MIPOL1: variants seen among roughly 807,000 people sequenced by gnomAD.
MIPOL1 encodes the protein mirror-image polydactyly gene 1 protein.
In MIPOL1, 57 loss-of-function variants were observed where a neutral mutation model predicts 60.9. That is an observed-to-expected ratio of 0.94 (90% CI 0.76 to 1.17). The LOEUF (loss-of-function observed/expected upper bound fraction) is 1.17. Among genes scored for constraint, MIPOL1 ranks in the 50% most tolerant of loss-of-function variants. MIPOL1 has a pLI of 0.00. For missense variants in MIPOL1, 551 were observed against 511.6 expected, an observed-to-expected ratio of 1.08 and a Z score of -0.74; for synonymous variants, 179 against 168.8, an observed-to-expected ratio of 1.06 and a Z score of -0.47.
chr14:37,496,159 T>A (rs1252780546), intron 11 of MIPOL1, among the ~76,000 whole-genome samples: 2 of 151,612 alleles, frequency 1.3e-5, no homozygotes, highest in Non-Finnish European at 2.9e-5. Flanking sequence ...TTCAAAATAA[T>A]AAGAGCTATC....
In MIPOL1 at chr14:37,267,122, T is replaced by G; in HGVS notation, c.204T>G (p.Ser68Arg). 1 of 1,613,814 alleles carries G rather than the reference T, an allele frequency of 6.2e-7. No homozygotes were observed. Among genetic ancestry groups the G allele is most frequent in the Non-Finnish European group, 8.5e-7 (1 of 1,179,890 alleles). The change falls in exon 4 of 13, where the codon AGT becomes AGG. Residue 68 changes from serine (S) to arginine (R), a missense_variant. Ser to Arg is a moderately radical substitution (Grantham distance 110, BLOSUM62 -1). Transcript: ENST00000684589. ...GATCAACGAATTTTCAGATCATCAG[T>G]TCTTATCCAGATGATGAGTCTGTTT... ...GQRSTNFQIISSYPDDESVYC... is the reference protein window; with the variant it reads ...GQRSTNFQIIRSYPDDESVYC...
chr14:37,503,697 AT>A (rs942975322), intron 12 of MIPOL1: 6 of 152,334 alleles, frequency 3.9e-5, no homozygotes, highest in Admixed American at 3.9e-4. Context: ...AACTGCATCA[AT>A]TTACGGGCAA....
intron 9 of MIPOL1, among the ~76,000 whole-genome samples, chr14:37,344,736 A>T (rs888976429): frequency 6.6e-6 from 1 of 152,172 alleles, no homozygotes; most frequent in African/African-American, 2.4e-5. Flanking sequence ...TAAAATTTAT[A>T]TATAAAGAGT....
chr14:37,480,359 G>C (rs552215456), intron 11 of MIPOL1, among the ~76,000 whole-genome samples: 1 of 152,192 alleles, frequency 6.6e-6, no homozygotes, highest in African/African-American at 2.4e-5. Context: ...CCATTATCGA[G>C]TGGGATTTAT....
rs74423200 is a variant in MIPOL1, at chr14:37,425,787, A to G, written c.1031+2838A>G. ...AAGAAGATTTCCCATAGGAAAAAAGAGTCAAATGTTACTAAGTGGTTAACT... is the reference window on the plus strand; with the variant it reads ...AAGAAGATTTCCCATAGGAAAAAAGGGTCAAATGTTACTAAGTGGTTAACT... On this transcript the variant is annotated intron_variant, in intron 11 of 12. Coordinates refer to ENST00000684589, the MANE Select transcript of MIPOL1 (RefSeq NM_001388067.1). Among the ~76,000 whole-genome samples, 805 of 152,328 alleles carry G rather than the reference A, an allele frequency of 5.3e-3. 18 individuals are homozygous for G. In the East Asian group the frequency reaches 0.061, roughly 11 times the overall value.
chr14:37,508,981 C>T (rs1349682886), intron 12 of MIPOL1, among the ~76,000 whole-genome samples: 1 of 151,908 alleles, frequency 6.6e-6, no homozygotes, highest in Non-Finnish European at 1.5e-5. Context: ...TTTTTTCTAC[C>T]TTTATGACTT....
At chr14:37,357,020 T>C (rs2091895093) in intron 9 of MIPOL1, among the ~76,000 whole-genome samples, 1 of 152,174 alleles carries the variant, frequency 6.6e-6, no homozygotes, top group African/African-American at 2.4e-5. Context: ...GTTGAACACT[T>C]AGGGTGCTTC....
intron 9 of MIPOL1, among the ~76,000 whole-genome samples, chr14:37,331,752 G>A (rs555844448): frequency 2.0e-5 from 3 of 151,880 alleles, no homozygotes; most frequent in East Asian, 1.9e-4. Flanking sequence ...GTTCGAGTAT[G>A]CTTTATATCT....
chr14:37,519,558 A>C (rs934485826), intron 12 of MIPOL1, among the ~76,000 whole-genome samples: 9 of 152,010 alleles, frequency 5.9e-5, no homozygotes, highest in Admixed American at 3.3e-4. Flanking sequence ...CATCTTGATT[A>C]CTTTTTTTTA....
chr14:37,389,451 C>G (rs1400652487), intron 10 of MIPOL1, among the ~76,000 whole-genome samples: 1 of 151,844 alleles, frequency 6.6e-6, no homozygotes, highest in Non-Finnish European at 1.5e-5. Flanking sequence ...TAGATTAGAT[C>G]TCTTGTTTTC....
chr14:37,360,145 C>T (rs1236774965), intron 9 of MIPOL1, among the ~76,000 whole-genome samples: 1 of 151,918 alleles, frequency 6.6e-6, no homozygotes, highest in Non-Finnish European at 1.5e-5. Flanking sequence ...TATGTTGAAC[C>T]AGCCTTGCAT....
chr14:37,410,493 T>C (rs2093663377), intron 10 of MIPOL1, among the ~76,000 whole-genome samples: 1 of 152,142 alleles, frequency 6.6e-6, no homozygotes, highest in African/African-American at 2.4e-5. Context: ...TTCAGAATTG[T>C]ATTAAAGAAA....
At chr14:37,518,863 C>T (rs747352099) in intron 12 of MIPOL1, among the ~76,000 whole-genome samples, 1 of 152,080 alleles carries the variant, frequency 6.6e-6, no homozygotes, top group Non-Finnish European at 1.5e-5. Flanking sequence ...AGAAAGGACA[C>T]ATAAACCATC....
At chr14:37,213,779 T>C (rs1967103448) in intron 1 of MIPOL1, among the ~76,000 whole-genome samples, 1 of 152,092 alleles carries the variant, frequency 6.6e-6, no homozygotes, top group Admixed American at 6.6e-5. Context: ...CATTTGATAA[T>C]GAAACTCCCA....
chr14:37,467,500 G>A (rs1476289898), intron 11 of MIPOL1, among the ~76,000 whole-genome samples: 2 of 152,186 alleles, frequency 1.3e-5, no homozygotes, highest in Admixed American at 6.5e-5. Context: ...TAACATTGTG[G>A]CAATTATAAT....
At chr14:37,202,094 A>C (rs2139110712) in intron 1 of MIPOL1, among the ~76,000 whole-genome samples, 1 of 152,226 alleles carries the variant, frequency 6.6e-6, no homozygotes, top group Middle Eastern at 3.4e-3. Context: ...GACCTCCCAA[A>C]GTGCCAGGAT....
At chr14:37,289,523 TCTTA>T (rs1254027356) in intron 7 of MIPOL1, among the ~76,000 whole-genome samples, 14 of 152,194 alleles carry the variant, frequency 9.2e-5, no homozygotes, top group Admixed American at 3.9e-4. Context: ...ACTCAGGGAA[TCTTA>T]CTTACGTTTA....
chr14:37,497,069 G>T (rs1291475266), intron 11 of MIPOL1, among the ~76,000 whole-genome samples: 4 of 152,008 alleles, frequency 2.6e-5, no homozygotes, highest in Admixed American at 2.0e-4. Flanking sequence ...AATAAATGGT[G>T]CTGGGAAAAC....
In MIPOL1 at chr14:37,343,137, C is replaced by T. The variant is rs1377950552; in HGVS notation, c.829-26380C>T. On this transcript the variant is annotated intron_variant, in intron 9 of 12. Transcript: ENST00000684589. ...ATGTTATATATAAAGTATAAATATA[C>T]ACACATACATATCAGCTGTAGTGTA... Among the ~76,000 whole-genome samples the T allele has an allele frequency of 3.3e-5, 5 of 151,620 alleles. No individual in the cohort carries two copies. The South Asian group carries it at 1.0e-3, about 32-fold the overall frequency.
Sources: allele counts gnomAD v4.1 joint callset (sites outside exome capture counted in the v4.1 genomes callset), GRCh38; gene constraint gnomAD v4.1.1; transcripts MANE v1.5; gene names NCBI Gene and HGNC (gene_info 2026-07-23, HGNC 2026-07-21).